The following HIPK4 variants were observed in gnomAD, a reference collection of about 807,000 sequenced individuals.
The protein encoded by HIPK4 is homeodomain-interacting protein kinase 4.
A neutral mutation model predicts 44.8 loss-of-function variants in HIPK4; 26 were observed. That is an observed-to-expected ratio of 0.58 (90% CI 0.43 to 0.80). The LOEUF (loss-of-function observed/expected upper bound fraction) is 0.80. Ranked by LOEUF, HIPK4 falls within the 30% of genes least tolerant of loss-of-function variation. The pLI is 0.00. For missense variants in HIPK4, 729 were observed against 862.6 expected, an observed-to-expected ratio of 0.85 and a Z score of 1.94; for synonymous variants, 340 against 355.5, an observed-to-expected ratio of 0.96 and a Z score of 0.49.
intron 1 of HIPK4, among the ~76,000 whole-genome samples, chr19:40,387,316 T>A (rs1488919960): frequency 1.3e-5 from 2 of 152,148 alleles, no homozygotes; most frequent in Admixed American, 6.5e-5. Flanking sequence ...CTTCAGGCAC[T>A]GTTCACACTC....
intron 1 of HIPK4, among the ~76,000 whole-genome samples, chr19:40,386,002 G>A (rs975924317): frequency 6.6e-6 from 1 of 151,100 alleles, no homozygotes; most frequent in Non-Finnish European, 1.5e-5. Context: ...ACCGCACCCA[G>A]GTCCACCATT....
intron 1 of HIPK4, among the ~76,000 whole-genome samples, chr19:40,387,023 T>C (rs2079366425): frequency 6.6e-6 from 1 of 151,908 alleles, no homozygotes; most frequent in Non-Finnish European, 1.5e-5. Context: ...CCCAGCTAAT[T>C]TTTGTATTTT....
rs1213540122 is a variant in HIPK4 at position 40,380,457 on chromosome 19, G to T, written c.1534C>A (p.Pro512Thr). 9 of 1,613,718 alleles carry T rather than the reference G, an allele frequency of 5.6e-6. No homozygotes were observed. Among genetic ancestry groups the T allele is most frequent in the African/African-American group, 2.7e-5 (2 of 74,932 alleles). The change falls in exon 3 of 4, where the codon CCT becomes ACT. Residue 512 changes from proline (P) to threonine (T), a missense_variant. By Grantham distance (38) the Pro-to-Thr change is conservative. Coordinates refer to ENST00000291823, the MANE Select transcript of HIPK4 (RefSeq NM_144685.5). The surrounding 1 kb of genome is among the most constrained non-coding windows in gnomAD (Gnocchi z 4.2). Reference protein sequence around the residue: ...SNLIRLSQVSPEDDRPCRGSS... With the variant: ...SNLIRLSQVSTEDDRPCRGSS... ...CCCCGGCAGGGCCTGTCATCCTCAG[G>T]CGAGACCTGGCTCAGCCGAATGAGG...
In HIPK4 at chr19:40,389,531, C is replaced by G; in HGVS notation, c.372G>C (p.Leu124=). The change falls in exon 1 of 4, where the codon CTG becomes CTC. Residue 124 remains leucine (L), a synonymous_variant. Transcript: ENST00000291823. This position sits in a 1 kb window ranked among gnomAD's most constrained non-coding sequence, Gnocchi z 4.6. The part of the protein sequence containing the change: ...RTVTLQVLTA[L]ARLKELAIIH... ...TGATAGCCAGCTCCTTGAGCCGGGC[C>G]AGGGCTGTGAGCACCTGCAGGGTGA... The G allele has an allele frequency of 6.2e-7, 1 of 1,613,812 alleles. No homozygotes were observed. Among genetic ancestry groups the G allele is most frequent in the Non-Finnish European group, 8.5e-7 (1 of 1,179,928 alleles).
intron 2 of HIPK4, 69 bp from the exon 3 acceptor site, chr19:40,381,237 G>A (rs1194717395): frequency 1.6e-6 from 2 of 1,288,806 alleles, no homozygotes; most frequent in African/African-American, 1.5e-5. Context: ...CACTCCTGCT[G>A]TGGCACCCAC....
rs6508938 is a variant in HIPK4, at chr19:40,389,280, T to C, written c.465+158A>G. 0.86 allele frequency among the ~76,000 whole-genome samples: 131,117 copies of C among 151,906 alleles called. 56,625 individuals carry two copies. Among genetic ancestry groups the C allele is most frequent in the East Asian group, 0.95 (4,902 of 5,184 alleles). On this transcript the variant is annotated intron_variant, in intron 1 of 3. Coordinates refer to ENST00000291823, the MANE Select transcript of HIPK4 (RefSeq NM_144685.5). This position sits in a 1 kb window ranked among gnomAD's most constrained non-coding sequence, Gnocchi z 4.6. ...GCGGAGTTGCAGTGAGCTGAGATTG[T>C]GCCACTGCACTCAAGCCTGGGTAAC...
chr19:40,381,409 A>G (rs377579927), intron 2 of HIPK4, among the ~76,000 whole-genome samples: 32 of 152,200 alleles, frequency 2.1e-4, no homozygotes, highest in African/African-American at 7.5e-4. Context: ...CTTCAGCACC[A>G]TGGGTGCAGC....
rs745936286 is a variant in HIPK4 at position 40,381,068 on chromosome 19, C to T, written c.923G>A (p.Arg308Gln). 9.9e-6 allele frequency: 16 copies of T among 1,612,986 alleles called. No individual in the cohort carries two copies. The highest frequency in any genetic ancestry group is 6.7e-5 in the East Asian group (3 of 44,874). The change falls in exon 3 of 4, where the codon CGG (arginine) becomes CAG (glutamine). Residue 308 changes from arginine to glutamine, a missense_variant. Physicochemically the swap from Arg to Gln is conservative, Grantham distance 43. Around this residue, in one of 2 missense-constraint regions of HIPK4, gnomAD observed 533 missense variants for 567.5 expected, o/e 0.94. Transcript: ENST00000291823. ...GTCGGCGTGCTCCGCCAGCGCCTCC[C>T]GGTCAGGGAAGGTTAGCCGACTGGC... Reference protein sequence around the residue: ...SVASRLTFPDREALAEHADLK... With the variant: ...SVASRLTFPDQEALAEHADLK...
intron 2 of HIPK4, among the ~76,000 whole-genome samples, chr19:40,382,004 C>A (rs1447968735): frequency 6.6e-6 from 1 of 151,920 alleles, no homozygotes; most frequent in Non-Finnish European, 1.5e-5. Context: ...TGGGGTTTCA[C>A]CATGTTGGCC....
At chr19:40,387,539 G>A (rs1457887233) in intron 1 of HIPK4, among the ~76,000 whole-genome samples, 3 of 151,994 alleles carry the variant, frequency 2.0e-5, no homozygotes, top group Admixed American at 2.0e-4. Context: ...GCAGCGGCAT[G>A]ATCTCGGCTC....
chr19:40,382,345 T>C (rs2079341249), intron 2 of HIPK4, among the ~76,000 whole-genome samples: 1 of 152,176 alleles, frequency 6.6e-6, no homozygotes, highest in African/African-American at 2.4e-5. Flanking sequence ...TCCTCCTGCC[T>C]TGGCCCCCAC....
At chr19:40,387,861 T>C (rs1406205444) in intron 1 of HIPK4, among the ~76,000 whole-genome samples, 2 of 151,630 alleles carry the variant, frequency 1.3e-5, no homozygotes, top group Non-Finnish European at 2.9e-5. Flanking sequence ...TGAGACAGAG[T>C]CGAGCTCTGT....
intron 1 of HIPK4, among the ~76,000 whole-genome samples, chr19:40,386,207 T>A (rs1443663394): frequency 6.8e-6 from 1 of 146,146 alleles, no homozygotes; most frequent in Admixed American, 6.8e-5. Flanking sequence ...GTAGCTGGGA[T>A]TACAAGCGCT....
intron 2 of HIPK4, among the ~76,000 whole-genome samples, chr19:40,383,164 C>T (rs1174742867): frequency 6.9e-6 from 1 of 145,764 alleles, no homozygotes; most frequent in South Asian, 2.2e-4. Flanking sequence ...CTCACTGCAA[C>T]CTCCGCCCTC....
chr19:40,380,703 C>A lies in HIPK4; in HGVS notation c.1288G>T (p.Asp430Tyr). Residue 430 changes from aspartate to tyrosine, a missense_variant, in exon 3 of 4, where the codon GAT becomes TAT. Physicochemically the swap from Asp to Tyr is radical, Grantham distance 160. This residue lies in a region of HIPK4 where 533 missense variants were observed against 567.5 expected (regional missense o/e 0.94). Coordinates refer to ENST00000291823, the MANE Select transcript of HIPK4 (RefSeq NM_144685.5). The surrounding 1 kb of genome is among the most constrained non-coding windows in gnomAD (Gnocchi z 4.2). ...CCAGCCTCCTGCAGACTCAGGTCAT[C>A]CAGCTGGTCGATGGCTCTTTGCATA... ...PGMQRAIDQL[D>Y]DLSLQEAGHG... is the part of the protein sequence containing the mutation. 6.2e-7 allele frequency: 1 copy of A among 1,614,132 alleles called. No individual in the cohort carries two copies. Among genetic ancestry groups the A allele is most frequent in the Non-Finnish European group, 8.5e-7 (1 of 1,179,962 alleles).
intron 2 of HIPK4, among the ~76,000 whole-genome samples, chr19:40,383,077 C>T (rs1599643097): frequency 8.1e-6 from 1 of 124,068 alleles, no homozygotes. Flanking sequence ...TTTTTCTTTT[C>T]TTTCTTTTTT....
chr19:40,385,732 A>AGTT (rs1421700349), intron 1 of HIPK4, among the ~76,000 whole-genome samples: 1 of 96,808 alleles, frequency 1.0e-5, no homozygotes, highest in Non-Finnish European at 1.9e-5. Flanking sequence ...TTTGAGACAG[A>AGTT]GTTTTGCTCT....
In HIPK4 at chr19:40,380,712, C is replaced by T. The variant is rs193920880; in HGVS notation, c.1279G>A (p.Asp427Asn). The T allele has an allele frequency of 6.2e-6, 10 of 1,614,002 alleles. No individual in the cohort carries two copies. Among genetic ancestry groups the T allele is most frequent in the African/African-American group, 1.3e-5 (1 of 74,938 alleles). ...EKAPGMQRAIDQLDDLSLQEA... is the reference protein window; with the variant it reads ...EKAPGMQRAINQLDDLSLQEA... ...TGCAGACTCAGGTCATCCAGCTGGT[C>T]GATGGCTCTTTGCATACCTGGTGCC... The change falls in exon 3 of 4, where the codon GAC becomes AAC. Residue 427 changes from aspartate to asparagine, a missense_variant. Transcript: ENST00000291823. This position sits in a 1 kb window ranked among gnomAD's most constrained non-coding sequence, Gnocchi z 4.2.
chr19:40,389,809 T>G lies in HIPK4; in HGVS notation c.94A>C (p.Ser32Arg). The change falls in exon 1 of 4, where the codon AGC becomes CGC. Residue 32 changes from serine (S) to arginine (R), a missense_variant. Ser to Arg is a moderately radical substitution (Grantham distance 110). Coordinates refer to ENST00000291823, the MANE Select transcript of HIPK4 (RefSeq NM_144685.5). This position sits in a 1 kb window ranked among gnomAD's most constrained non-coding sequence, Gnocchi z 4.6. ...TTGATGGCCACCATCTCGCCCGTGC[T>G]CCGCCGCCAGCCCTTGGCTACCTCC... Reference protein sequence around the residue: ...FGEVAKGWRRSTGEMVAIKIL... With the variant: ...FGEVAKGWRRRTGEMVAIKIL... 1 of 1,614,072 alleles carries G rather than the reference T, an allele frequency of 6.2e-7. No homozygotes were observed. Among genetic ancestry groups the G allele is most frequent in the Non-Finnish European group, 8.5e-7 (1 of 1,180,010 alleles).
Sources: allele counts gnomAD v4.1 joint callset (sites outside exome capture counted in the v4.1 genomes callset), GRCh38; gene constraint gnomAD v4.1.1; regional missense constraint gnomAD v4.1.1; non-coding constraint Gnocchi (gnomAD v3.1); transcripts MANE v1.5; gene names NCBI Gene and HGNC (gene_info 2026-07-23, HGNC 2026-07-21).